The following CELF2 variants were observed in gnomAD, a reference collection of about 807,000 sequenced individuals.
The protein encoded by CELF2 is CUGBP Elav-like family member 2.
A neutral mutation model predicts 62.6 loss-of-function variants in CELF2; 8 were observed. The observed-to-expected ratio is 0.13, with a 90% CI of 0.07 to 0.23. The LOEUF is 0.23. CELF2 is among the 10% of genes least tolerant of loss of function. The probability of loss-of-function intolerance (pLI) is 1.00; values close to 1 mark genes in which losing one functional copy is unlikely to be tolerated. For synonymous variants in CELF2, 258 were observed against 250.0 expected (o/e 1.03, Z -0.30); for missense variants, 333 against 671.0 (o/e 0.50, Z 5.56).
chr10:11,065,846 G>A (rs921287035), intron 1 of CELF2, among the ~76,000 whole-genome samples: 9 of 152,118 alleles, frequency 5.9e-5, no homozygotes, highest in East Asian at 5.8e-4. Flanking sequence ...TGGAGGGCCC[G>A]GGGAGGGTTG....
the CELF2 span, among the ~76,000 whole-genome samples, chr10:10,721,970 T>C: frequency 2.6e-5 from 4 of 152,172 alleles, no homozygotes; most frequent in African/African-American, 4.8e-5. Context: ...CGAGGCATAG[T>C]TCAGGAAAGC....
chr10:10,636,032 G>T, the CELF2 span, among the ~76,000 whole-genome samples: 1 of 152,060 alleles, frequency 6.6e-6, no homozygotes, highest in African/African-American at 2.4e-5. Flanking sequence ...AGATTATTGG[G>T]CAAAAACATT....
the CELF2 span, among the ~76,000 whole-genome samples, chr10:10,625,588 A>G: frequency 6.6e-6 from 1 of 152,186 alleles, no homozygotes; most frequent in East Asian, 1.9e-4. Flanking sequence ...CCATAATGAA[A>G]TAGCCTCAGG....
At chr10:10,975,530 C>T (rs1199906829) in intron 2 of CELF2, among the ~76,000 whole-genome samples, 3 of 152,202 alleles carry the variant, frequency 2.0e-5, no homozygotes, top group Non-Finnish European at 4.4e-5. Flanking sequence ...AAACTGACCA[C>T]TCAGTTTTAA....
intron 1 of CELF2, among the ~76,000 whole-genome samples, chr10:11,042,546 C>T (rs2062022861): frequency 6.6e-6 from 1 of 152,174 alleles, no homozygotes; most frequent in African/African-American, 2.4e-5. Context: ...CTTTCACATA[C>T]CACGAAAGCC....
rs2095997496 is a variant in CELF2 at position 11,330,810 on chromosome 10, A to G, written c.*1757A>G. ...ACAGGGATTGGCATTCTTCCCGGTC[A>G]CTGGTAACAATAGCAATATGTGTCC... On this transcript the variant is annotated 3_prime_UTR_variant, in exon 13 of 13. Transcript: ENST00000633077. This position sits in a 1 kb window ranked among gnomAD's most constrained non-coding sequence, Gnocchi z 4.5. The G allele has an allele frequency of 1.3e-5, 2 of 152,614 alleles. No homozygotes were observed. The allele number at this position is 152,614 out of a possible 1,614,324, so 9.5% of individuals were successfully genotyped here.
At chr10:10,587,762 GA>G in the CELF2 span, among the ~76,000 whole-genome samples, 1 of 152,108 alleles carries the variant, frequency 6.6e-6, no homozygotes, top group Non-Finnish European at 1.5e-5. Flanking sequence ...CTCTTTGTTT[GA>G]ATTCCCCTGG....
the CELF2 span, among the ~76,000 whole-genome samples, chr10:10,474,039 G>A: frequency 6.6e-6 from 1 of 151,980 alleles, no homozygotes; most frequent in Non-Finnish European, 1.5e-5. Flanking sequence ...AGGTGGTCAA[G>A]GAAGCCCTCC....
intron 1 of CELF2, among the ~76,000 whole-genome samples, chr10:11,055,542 G>A (rs1226426168): frequency 6.6e-6 from 1 of 152,222 alleles, no homozygotes; most frequent in Non-Finnish European, 1.5e-5. Flanking sequence ...GTGCCCTCAT[G>A]CTTCATACAC....
intron 1 of CELF2, among the ~76,000 whole-genome samples, chr10:10,884,873 G>A (rs866348368): frequency 5.9e-5 from 9 of 152,218 alleles, no homozygotes; most frequent in African/African-American, 1.9e-4. Flanking sequence ...GCTCATTGTG[G>A]CATGCTTATT....
At chr10:10,608,874 T>G in the CELF2 span, among the ~76,000 whole-genome samples, 9 of 152,122 alleles carry the variant, frequency 5.9e-5, no homozygotes, top group Non-Finnish European at 8.8e-5. Context: ...TAAAAGTACT[T>G]GTAAAAATAT....
the CELF2 span, among the ~76,000 whole-genome samples, chr10:10,627,651 A>G: frequency 6.6e-6 from 1 of 152,210 alleles, no homozygotes; most frequent in Non-Finnish European, 1.5e-5. Context: ...GAACTGCACA[A>G]CATGAGGAGG....
intron 1 of CELF2, among the ~76,000 whole-genome samples, chr10:10,849,556 A>G (rs1198816304): frequency 6.6e-6 from 1 of 152,192 alleles, no homozygotes; most frequent in Non-Finnish European, 1.5e-5. Context: ...AGACTGAGTT[A>G]CAGATCTGAT....
the CELF2 span, among the ~76,000 whole-genome samples, chr10:10,640,677 G>T: frequency 6.6e-6 from 1 of 152,324 alleles, no homozygotes; most frequent in South Asian, 2.1e-4. Context: ...TTGTTGGATG[G>T]ATGGATGGAC....
rs921656484 is a variant in CELF2, at chr10:10,993,006, G to A, written c.89+73007G>A. Among the ~76,000 whole-genome samples the A allele has an allele frequency of 1.3e-5, 2 of 152,154 alleles. No homozygotes were observed. Among genetic ancestry groups the A allele is most frequent in the African/African-American group, 4.8e-5 (2 of 41,434 alleles). On this transcript the variant is annotated intron_variant, in intron 2 of 13. Coordinates refer to the CELF2 transcript ENST00000636488. This position sits in a 1 kb window ranked among gnomAD's most constrained non-coding sequence, Gnocchi z 5.3. ...ATATATTCTTGTTGTCTCTGTCTCA[G>A]TAAGGTTCATTGACCTTGGTGAGAC...
chr10:10,688,483 A>G, the CELF2 span, among the ~76,000 whole-genome samples: 2 of 152,196 alleles, frequency 1.3e-5, no homozygotes, highest in African/African-American at 2.4e-5. Flanking sequence ...TCCCAAATTC[A>G]TAAGTATCAT....
At chr10:10,518,878 C>G in the CELF2 span, among the ~76,000 whole-genome samples, 1 of 152,130 alleles carries the variant, frequency 6.6e-6, no homozygotes, top group Non-Finnish European at 1.5e-5. Flanking sequence ...ATTGGGACAG[C>G]ACATTGCTGG....
intron 2 of CELF2, among the ~76,000 whole-genome samples, chr10:10,963,608 C>T (rs566349189): frequency 6.6e-6 from 1 of 152,284 alleles, no homozygotes; most frequent in South Asian, 2.1e-4. Context: ...CTTTTCATAG[C>T]TCCCCTATGC....
chr10:10,675,086 C>A, the CELF2 span, among the ~76,000 whole-genome samples: 216 of 152,218 alleles, frequency 1.4e-3, 1 homozygote, highest in African/African-American at 4.9e-3. Flanking sequence ...GATGTGCTCC[C>A]TTTATTTATG....
Sources: allele counts gnomAD v4.1 joint callset (sites outside exome capture counted in the v4.1 genomes callset), GRCh38; gene constraint gnomAD v4.1.1; non-coding constraint Gnocchi (gnomAD v3.1); transcripts MANE v1.5; gene names NCBI Gene and HGNC (gene_info 2026-07-23, HGNC 2026-07-21).